The following SEC23IP variants were observed in gnomAD, a reference collection of about 807,000 sequenced individuals.
The protein encoded by SEC23IP is SEC23-interacting protein.
A neutral mutation model predicts 113.4 loss-of-function variants in SEC23IP; 70 were observed. The ratio of observed to expected loss-of-function variants is 0.62; its 90% CI spans 0.51 to 0.75. The LOEUF (loss-of-function observed/expected upper bound fraction) is 0.75, where lower values mean the gene tolerates loss of function less well. Among genes scored for constraint, SEC23IP ranks in the 30% least tolerant of loss-of-function variants. The pLI is 0.00. For missense variants in SEC23IP, 1,160 were observed against 1,204.9 expected (o/e 0.96, Z 0.55); for synonymous variants, 398 against 421.0 (o/e 0.95, Z 0.67).
chr10:119,911,209 T>G (rs936961775), intron 5 of SEC23IP, among the ~76,000 whole-genome samples: 1 of 151,936 alleles, frequency 6.6e-6, no homozygotes, highest in Non-Finnish European at 1.5e-5. Context: ...AGGATTTTGC[T>G]TTACTTGTTT....
At chr10:119,940,377 T>C (rs1855926558) in intron 18 of SEC23IP, among the ~76,000 whole-genome samples, 1 of 151,704 alleles carries the variant, frequency 6.6e-6, no homozygotes, top group Non-Finnish European at 1.5e-5. Flanking sequence ...TCAGTAGAGA[T>C]GGGGTTTCAC....
chr10:119,937,040 G>A (rs1431471080), intron 18 of SEC23IP, among the ~76,000 whole-genome samples: 2 of 151,586 alleles, frequency 1.3e-5, no homozygotes, highest in African/African-American at 4.8e-5. Flanking sequence ...GGCGCCCGCT[G>A]CTGTGCCCAG....
Position 119,933,082 on chromosome 10 carries a change from C to A in SEC23IP, c.2836C>A (p.Arg946Ser). ...AAAGGTTGGAATGTTAAATGGAGGCCGCCGAATTGACTACGTTCTCCAAGA... is the reference window on the plus strand; with the variant it reads ...AAAGGTTGGAATGTTAAATGGAGGCAGCCGAATTGACTACGTTCTCCAAGA... ...LGKVGMLNGG[R>S]RIDYVLQEKP... Residue 946 changes from arginine (R) to serine (S), a missense_variant, in exon 17 of 19, where the codon CGC (arginine) becomes AGC (serine). Transcript: ENST00000369075. The A allele has an allele frequency of 6.2e-7, 1 of 1,613,854 alleles. No homozygotes were observed. Among genetic ancestry groups the A allele is most frequent in the Non-Finnish European group, 8.5e-7 (1 of 1,179,766 alleles).
Position 119,938,757 on chromosome 10 carries a change from C to T in SEC23IP, c.*21-1829C>T, listed in dbSNP as rs188708231. Among the ~76,000 whole-genome samples the T allele has an allele frequency of 1.7e-3, 265 of 152,288 alleles. 1 individual carries two copies. Among genetic ancestry groups the T allele is most frequent in the African/African-American group, 5.9e-3 (244 of 41,562 alleles). Reference sequence around the variant, plus strand: ...AATAGTAATTCTAGGATTTTGCCATCACCTTATATGGAAAACTCAGAACCT... The same window carrying T: ...AATAGTAATTCTAGGATTTTGCCATTACCTTATATGGAAAACTCAGAACCT... On this transcript the variant is annotated intron_variant, in intron 18 of 18. Transcript: ENST00000369075.
At chr10:119,907,033 C>T (rs1289629722) in intron 4 of SEC23IP, among the ~76,000 whole-genome samples, 1 of 150,944 alleles carries the variant, frequency 6.6e-6, no homozygotes, top group Admixed American at 6.6e-5. Flanking sequence ...CATGGTGACT[C>T]ACGCCTGTAA....
At position 119,944,294 on chromosome 10, in the gene SEC23IP, T is replaced by G. The variant is rs1564932232; in HGVS notation, c.*3729T>G. On this transcript the variant is annotated 3_prime_UTR_variant, in exon 19 of 19. Coordinates refer to ENST00000369075, the MANE Select transcript of SEC23IP (RefSeq NM_007190.4). ...AAGGTGCCTGCTTCCCCTTTGCCTT[T>G]CGTCACAATTGTAAGTTCCCCGAGG... 6.6e-6 allele frequency: 1 copy of G among 152,258 alleles called. No homozygotes were observed. Among genetic ancestry groups the G allele is most frequent in the South Asian group, 2.1e-4 (1 of 4,828 alleles). 9.4% of individuals were successfully genotyped at this position (152,258 alleles called of 1,614,324 possible). A position where few individuals can be genotyped will look rare whatever the true frequency, so the allele number is the denominator to read the frequency against.
At position 119,943,640 on chromosome 10, in the gene SEC23IP, C is replaced by T. The variant is rs566161253; in HGVS notation, c.*3075C>T. ...AAAACAGCAACTCTTGCAGATTTCC[C>T]GAATGTATTGGTCCCAGAGAACACT... On this transcript the variant is annotated 3_prime_UTR_variant, in exon 19 of 19. Transcript: ENST00000369075. 6 of 152,118 alleles carry T rather than the reference C, an allele frequency of 3.9e-5. No homozygotes were observed. Among genetic ancestry groups the T allele is most frequent in the African/African-American group, 9.7e-5 (4 of 41,424 alleles). The allele number at this position is 152,118 out of a possible 1,614,324, so 9.4% of individuals were successfully genotyped here.
intron 5 of SEC23IP, among the ~76,000 whole-genome samples, chr10:119,909,534 C>T (rs543633232): frequency 4.9e-4 from 74 of 151,986 alleles, no homozygotes; most frequent in African/African-American, 1.7e-3. Context: ...TGCAGTGAGT[C>T]AGGATTGCTC....
At chr10:119,933,591 G>T in intron 17 of SEC23IP, 95 bp from the exon 18 acceptor site, 1 of 700,612 alleles carries the variant, frequency 1.4e-6, no homozygotes. Flanking sequence ...CTTAGATAGA[G>T]TTGAATAGAA....
chr10:119,935,820 A>T (rs1410860228), intron 18 of SEC23IP, among the ~76,000 whole-genome samples: 1 of 151,992 alleles, frequency 6.6e-6, no homozygotes, highest in Non-Finnish European at 1.5e-5. Flanking sequence ...ATGGCAAGGG[A>T]CCCCCTTCAC....
chr10:119,929,911 A>C, intron 14 of SEC23IP, 149 bp downstream of exon 14: 1 of 572,680 alleles, frequency 1.7e-6, no homozygotes, highest in East Asian at 2.9e-5. Context: ...AGCCTCCCAA[A>C]TCGCTAGGAT....
intron 4 of SEC23IP, chr10:119,904,532 T>C (rs1001641292): frequency 1.3e-5 from 5 of 398,126 alleles, no homozygotes; most frequent in African/African-American, 6.1e-5. Context: ...AAGCCTTCAA[T>C]AGAACCTAGG....
chr10:119,904,171 A>C lies in SEC23IP; in HGVS notation c.995A>C (p.Tyr332Ser). 6.2e-7 allele frequency: 1 copy of C among 1,614,212 alleles called. No individual in the cohort carries two copies. ...TATGACCGAATAAGGAAGGCTGCCTACTGGGAAGAGGAGCCAGCCGAAGTG... is the reference window on the plus strand; with the variant it reads ...TATGACCGAATAAGGAAGGCTGCCTCCTGGGAAGAGGAGCCAGCCGAAGTG... ...YLYDRIRKAAYWEEEPAEVRR... is the reference protein window; with the variant it reads ...YLYDRIRKAASWEEEPAEVRR... The change falls in exon 4 of 19, where the codon TAC (tyrosine) becomes TCC (serine). Residue 332 changes from tyrosine (Y) to serine (S), a missense_variant. Tyr to Ser is a moderately radical substitution (Grantham distance 144). Transcript: ENST00000369075.
At chr10:119,906,846 GATTACATGCGTGAGCCACCAC>G (rs1259004702) in intron 4 of SEC23IP, among the ~76,000 whole-genome samples, 2 of 152,096 alleles carry the variant, frequency 1.3e-5, no homozygotes, top group Non-Finnish European at 2.9e-5. Context: ...AGAGTGCTAG[GATTACATGCGTGAGCCACCAC>G]ACGTGGCCTG....
In SEC23IP at chr10:119,937,629, A is replaced by AAAAAAAAC. The variant is rs573288806; in HGVS notation, c.*21-2942_*21-2935dup. Among the ~76,000 whole-genome samples, 644 of 152,114 alleles carry AAAAAAAAC rather than the reference A, an allele frequency of 4.2e-3. 8 individuals carry two copies. The highest frequency in any genetic ancestry group is 0.015 in the African/African-American group (626 of 41,510). On this transcript the variant is annotated intron_variant, in intron 18 of 18. Transcript: ENST00000369075. The stretch of plus-strand genomic sequence containing the variant: ...TGACAGAGCGAGACTCCGTCTAAAA[A>AAAAAAAAC]AAAAAAACAAAAAAACAAAAAACAT...
At chr10:119,907,062 C>T (rs529961618) in intron 4 of SEC23IP, among the ~76,000 whole-genome samples, 27 of 150,898 alleles carry the variant, frequency 1.8e-4, no homozygotes, top group Non-Finnish European at 2.7e-4. Flanking sequence ...CTTTGGAGGC[C>T]GAGGCGGGCT....
intron 5 of SEC23IP, 145 bp from the exon 6 acceptor site, chr10:119,911,899 T>G: frequency 2.2e-6 from 2 of 924,794 alleles, no homozygotes; most frequent in Non-Finnish European, 3.2e-6. Flanking sequence ...CAAGACTCCT[T>G]CAAAGTTTGT....
intron 7 of SEC23IP, 124 bp from the exon 8 acceptor site, chr10:119,915,623 AT>A: frequency 2.7e-6 from 2 of 727,946 alleles, no homozygotes; most frequent in Non-Finnish European, 3.9e-6. Context: ...TCTTATCCTC[AT>A]TTTTTTCTTT....
At chr10:119,897,268 C>A (rs1057372503) in intron 1 of SEC23IP, among the ~76,000 whole-genome samples, 2 of 152,138 alleles carry the variant, frequency 1.3e-5, no homozygotes, top group Non-Finnish European at 2.9e-5. Flanking sequence ...ATAAAAGTTT[C>A]GTAAGGAATA....
Sources: allele counts gnomAD v4.1 joint callset (sites outside exome capture counted in the v4.1 genomes callset), GRCh38; gene constraint gnomAD v4.1.1; transcripts MANE v1.5; gene names NCBI Gene and HGNC (gene_info 2026-07-23, HGNC 2026-07-21).